TRIM44: variants seen among roughly 807,000 people sequenced by gnomAD.
TRIM44 encodes tripartite motif-containing protein 44.
In TRIM44, 13 loss-of-function variants were observed where a neutral mutation model predicts 37.4. The ratio of observed to expected loss-of-function variants is 0.35; its 90% confidence interval spans 0.23 to 0.55. The LOEUF (loss-of-function observed/expected upper bound fraction) is 0.55, where lower values mean the gene tolerates loss of function less well. Among genes scored for constraint, TRIM44 ranks in the 20% least tolerant of loss-of-function variants. The pLI is 0.89. For synonymous variants in TRIM44, 175 were observed against 157.2 expected, an observed-to-expected ratio of 1.11 and a Z score of -0.85; for missense variants, 426 against 437.2, an observed-to-expected ratio of 0.97 and a Z score of 0.23.
At chr11:35,708,846 G>A (rs1392150467) in intron 2 of TRIM44, among the ~76,000 whole-genome samples, 1 of 151,752 alleles carries the variant, frequency 6.6e-6, no homozygotes, top group African/African-American at 2.4e-5. Context: ...CACCAGCATG[G>A]CACATGTATA....
intron 2 of TRIM44, among the ~76,000 whole-genome samples, chr11:35,701,988 A>G (rs992111636): frequency 1.3e-5 from 2 of 152,216 alleles, no homozygotes; most frequent in East Asian, 3.9e-4. Context: ...GCCAAGCTGT[A>G]TCATAAAGGA....
intron 4 of TRIM44, among the ~76,000 whole-genome samples, chr11:35,752,536 T>C (rs1852571845): frequency 6.6e-6 from 1 of 151,624 alleles, no homozygotes; most frequent in African/African-American, 2.4e-5. Flanking sequence ...CAAGTCCCCT[T>C]GATGCTAAAC....
intron 4 of TRIM44, among the ~76,000 whole-genome samples, chr11:35,803,646 G>A (rs1013736381): frequency 2.6e-5 from 4 of 152,140 alleles, no homozygotes; most frequent in East Asian, 1.9e-4. Flanking sequence ...GCTTGAACCC[G>A]GGAGGCGGAG....
intron 2 of TRIM44, among the ~76,000 whole-genome samples, chr11:35,720,223 C>G (rs1394544115): frequency 6.6e-6 from 1 of 151,988 alleles, no homozygotes; most frequent in Non-Finnish European, 1.5e-5. Context: ...TATAGTTTTC[C>G]TCTTATAGAT....
intron 4 of TRIM44, among the ~76,000 whole-genome samples, chr11:35,747,198 C>T (rs1427568569): frequency 3.9e-5 from 6 of 152,186 alleles, no homozygotes; most frequent in African/African-American, 1.4e-4. Context: ...GCCAACTTCT[C>T]GCTACCTTTC....
At position 35,703,892 on chromosome 11, in the gene TRIM44, G is replaced by A. The variant is rs1057056611; in HGVS notation, c.747+18556G>A. ...AGGAACACAGCTCCTCACCAGCAAC[G>A]GAACAAAGCTGGATGGAGAATGACT... On this transcript the variant is annotated intron_variant, in intron 2 of 4. Coordinates refer to ENST00000299413, the MANE Select transcript of TRIM44 (RefSeq NM_017583.6). Among the ~76,000 whole-genome samples, 9 of 152,176 alleles carry A rather than the reference G, an allele frequency of 5.9e-5. No individual in the cohort carries two copies. The East Asian group carries it at 9.6e-4, about 16-fold the overall frequency.
chr11:35,759,499 T>G (rs1406989326), intron 4 of TRIM44, among the ~76,000 whole-genome samples: 2 of 152,274 alleles, frequency 1.3e-5, no homozygotes, highest in African/African-American at 4.8e-5. Flanking sequence ...TTCTCTCAAC[T>G]CGTCAAAGTC....
Position 35,809,588 on chromosome 11 carries a change from C to G in TRIM44, c.*3203C>G, listed in dbSNP as rs1264067155. The G allele has an allele frequency of 6.6e-6, 1 of 152,128 alleles. No homozygotes were observed. Among genetic ancestry groups the G allele is most frequent in the Non-Finnish European group, 1.5e-5 (1 of 68,024 alleles). 9.4% of individuals were successfully genotyped at this position (152,128 alleles called of 1,614,324 possible). A position where few individuals can be genotyped will look rare whatever the true frequency, so the allele number is the denominator to read the frequency against. On this transcript the variant is annotated 3_prime_UTR_variant, in exon 5 of 5. Transcript: ENST00000299413. ...GCCATCTTCCATAAATAAGGTGTTT[C>G]TTGGCCTTCAAAGATATAGAACTTT...
intron 2 of TRIM44, among the ~76,000 whole-genome samples, chr11:35,713,668 T>C (rs189010969): frequency 7.2e-5 from 11 of 152,180 alleles, no homozygotes. Context: ...GAAGATGATT[T>C]TGGGGACTTA....
rs149772105 is a variant in TRIM44, at chr11:35,805,194, A to G, written c.1008-1164A>G. On this transcript the variant is annotated intron_variant, in intron 4 of 4. Transcript: ENST00000299413. ...TTTCATCTGGAAAACGGGGGATAAT[A>G]ATAGCCCCTACATAATAGGAAGAAT... Among the ~76,000 whole-genome samples the G allele has an allele frequency of 1.4e-3, 214 of 152,302 alleles. 1 individual carries two copies. Among genetic ancestry groups the G allele is most frequent in the African/African-American group, 4.9e-3 (202 of 41,568 alleles).
Position 35,702,388 on chromosome 11 carries a change from T to A in TRIM44, c.747+17052T>A, listed in dbSNP as rs1851800710. Among the ~76,000 whole-genome samples, 5 of 152,210 alleles carry A rather than the reference T, an allele frequency of 3.3e-5. No homozygotes were observed. In the South Asian group the frequency reaches 1.0e-3, roughly 31 times the overall value. ...CTTGTGTGGCTGCGGAGTGGGCACATCCCTGGACTGAGAGTGCCTTGAGGA... is the reference window on the plus strand; with the variant it reads ...CTTGTGTGGCTGCGGAGTGGGCACAACCCTGGACTGAGAGTGCCTTGAGGA... On this transcript the variant is annotated intron_variant, in intron 2 of 4. Coordinates refer to ENST00000299413, the MANE Select transcript of TRIM44 (RefSeq NM_017583.6).
intron 2 of TRIM44, among the ~76,000 whole-genome samples, chr11:35,692,653 G>A (rs1045632320): frequency 1.3e-5 from 2 of 152,116 alleles, no homozygotes; most frequent in African/African-American, 2.4e-5. Context: ...GGCCAGGTGC[G>A]GTGGCTCACG....
At chr11:35,728,641 A>C (rs1280015433) in intron 3 of TRIM44, among the ~76,000 whole-genome samples, 1 of 152,174 alleles carries the variant, frequency 6.6e-6, no homozygotes, top group African/African-American at 2.4e-5. Flanking sequence ...CCTGTCTTTC[A>C]GTCATCAGAG....
In TRIM44 at chr11:35,742,627, T is replaced by TTTATATATAATTATATTAATTGTA. The variant is rs1348079745; in HGVS notation, c.1007+7226_1007+7249dup. Among the ~76,000 whole-genome samples, 34 of 130,200 alleles carry TTTATATATAATTATATTAATTGTA rather than the reference T, an allele frequency of 2.6e-4. 1 individual carries two copies. The South Asian group carries it at 3.3e-3, about 13-fold the overall frequency. 85.4% of individuals were successfully genotyped at this position (130,200 alleles called of 152,430 possible). Reference sequence around the variant, plus strand: ...ATTATATTAATTATATTAATTGTATTTTATATATAATTATATTAATTGTAT... The same window carrying TTTATATATAATTATATTAATTGTA: ...ATTATATTAATTATATTAATTGTATTTTATATATAATTATATTAATTGTATTATATATAATTATATTAATTGTAT... On this transcript the variant is annotated intron_variant, in intron 4 of 4. Transcript: ENST00000299413.
chr11:35,739,749 A>G (rs2060352753), intron 4 of TRIM44, among the ~76,000 whole-genome samples: 1 of 152,128 alleles, frequency 6.6e-6, no homozygotes. Flanking sequence ...CATGATACAC[A>G]GTCATATAGC....
intron 4 of TRIM44, among the ~76,000 whole-genome samples, chr11:35,775,063 A>G (rs1419585049): frequency 6.6e-6 from 1 of 152,180 alleles, no homozygotes; most frequent in East Asian, 1.9e-4. Flanking sequence ...CTTGGGCAGT[A>G]TGGCCATTTT....
At chr11:35,668,423 G>T (rs1333752488) in intron 1 of TRIM44, among the ~76,000 whole-genome samples, 1 of 152,174 alleles carries the variant, frequency 6.6e-6, no homozygotes. Context: ...GTGTTCATAT[G>T]TTCTATCATT....
At chr11:35,714,898 GT>G (rs71457389) in intron 2 of TRIM44, among the ~76,000 whole-genome samples, 3,527 of 152,196 alleles carry the variant, frequency 0.023, 56 homozygotes, top group Middle Eastern at 0.078. Flanking sequence ...CTTATTCTTG[GT>G]TGTTACAAGT....
At chr11:35,773,999 G>A (rs931021338) in intron 4 of TRIM44, among the ~76,000 whole-genome samples, 2 of 152,216 alleles carry the variant, frequency 1.3e-5, no homozygotes, top group Non-Finnish European at 2.9e-5. Context: ...TAATGGGATG[G>A]CTGGGTCAAA....
Sources: gnomAD v4.1 joint callset for allele counts (sites outside exome capture counted in the v4.1 genomes callset) on GRCh38, gnomAD v4.1.1 for gene constraint, MANE v1.5 for transcripts, NCBI Gene and HGNC (gene_info 2026-07-23, HGNC 2026-07-21) for gene names.